The following PTPRG variants were observed in gnomAD, a reference collection of about 807,000 sequenced individuals.
The protein encoded by PTPRG is protein tyrosine phosphatase receptor type G, also known as receptor-type tyrosine-protein phosphatase gamma.
Under a neutral mutation model 165.3 loss-of-function variants are expected in PTPRG, and 102 were observed. The observed-to-expected ratio is 0.62, with a 90% CI of 0.53 to 0.73. PTPRG has a LOEUF of 0.73. PTPRG is among the 30% of genes least tolerant of loss of function. The pLI, the probability that PTPRG is intolerant of heterozygous loss-of-function variation, is 0.00. For missense variants in PTPRG, 1,866 were observed against 1,861.4 expected (o/e 1.00, Z -0.05); for synonymous variants, 675 against 669.5 (o/e 1.01, Z -0.13).
intron 2 of PTPRG, among the ~76,000 whole-genome samples, chr3:61,815,726 T>C (rs1575687098): frequency 6.6e-6 from 1 of 152,208 alleles, no homozygotes; most frequent in Non-Finnish European, 1.5e-5. Flanking sequence ...ACAGTGGCTG[T>C]TTATTAGGTT....
intron 4 of PTPRG, among the ~76,000 whole-genome samples, chr3:62,010,370 T>TTGTGTGTGTGTGTG (rs35894531): frequency 0.024 from 3,630 of 149,524 alleles, 67 homozygotes; most frequent in African/African-American, 0.049. Context: ...CCCTCTCTTC[T>TTGTGTGTGTGTGTG]TGTGTGTGTG....
chr3:62,205,542 C>G (rs1700206693), intron 12 of PTPRG, among the ~76,000 whole-genome samples: 1 of 151,780 alleles, frequency 6.6e-6, no homozygotes, highest in South Asian at 2.1e-4. Flanking sequence ...GACAGTGTAG[C>G]TCTGAGTGGT....
At chr3:61,659,497 A>G (rs996095334) in intron 1 of PTPRG, 52 of 961,506 alleles carry the variant, frequency 5.4e-5, no homozygotes, top group Non-Finnish European at 6.4e-5. Context: ...AAGAGAAGGT[A>G]GGGGTCTGGA....
In PTPRG at chr3:62,071,913, TA is replaced by T. The variant is rs535731276; in HGVS notation, c.520-6247del. Among the ~76,000 whole-genome samples the T allele has an allele frequency of 2.2e-3, 331 of 152,304 alleles. 1 individual carries two copies. Among genetic ancestry groups the T allele is most frequent in the African/African-American group, 7.7e-3 (322 of 41,556 alleles). On this transcript the variant is annotated intron_variant, in intron 4 of 29. Transcript: ENST00000474889. Reference sequence around the variant, plus strand: ...TACCTAGCATACAGTAGGTACTTACTAAAGGTTTGAAAAACATTAACAATGT... The same window carrying T: ...TACCTAGCATACAGTAGGTACTTACTAAGGTTTGAAAAACATTAACAATGT...
chr3:62,003,974 T>C (rs1314246801), intron 4 of PTPRG, among the ~76,000 whole-genome samples: 1 of 152,170 alleles, frequency 6.6e-6, no homozygotes, highest in East Asian at 1.9e-4. Flanking sequence ...TGAGTCACTG[T>C]TAATTTTGTT....
At chr3:61,716,604 G>A (rs192244723) in intron 1 of PTPRG, among the ~76,000 whole-genome samples, 1 of 152,240 alleles carries the variant, frequency 6.6e-6, no homozygotes, top group African/African-American at 2.4e-5. Context: ...GAAGTGTCCT[G>A]AAGTCACAGC....
intron 13 of PTPRG, among the ~76,000 whole-genome samples, chr3:62,225,025 C>A (rs1418150854): frequency 6.6e-6 from 1 of 152,128 alleles, no homozygotes; most frequent in Non-Finnish European, 1.5e-5. Context: ...TTTAATGGCA[C>A]CCTATTGTGT....
At chr3:61,701,274 A>G (rs1293555406) in intron 1 of PTPRG, among the ~76,000 whole-genome samples, 1 of 152,082 alleles carries the variant, frequency 6.6e-6, no homozygotes, top group Admixed American at 6.5e-5. Context: ...TAGCTGTGTG[A>G]TACTTCTCAC....
intron 9 of PTPRG, among the ~76,000 whole-genome samples, chr3:62,192,393 C>CTTTT (rs71123255): frequency 0.011 from 562 of 52,678 alleles, 64 homozygotes; most frequent in South Asian, 0.026. Flanking sequence ...CAACTACTGT[C>CTTTT]TTTTTTTTTT....
intron 1 of PTPRG, among the ~76,000 whole-genome samples, chr3:61,563,404 C>T (rs1055011525): frequency 6.6e-6 from 1 of 152,110 alleles, no homozygotes; most frequent in South Asian, 2.1e-4. Context: ...GTTCCCCCTC[C>T]TCTCTCCCCT....
At position 62,074,558 on chromosome 3, in the gene PTPRG, CTCA is replaced by C. The variant is rs1380818556; in HGVS notation, c.520-3604_520-3602del. 5.3e-5 allele frequency among the ~76,000 whole-genome samples: 8 copies of C among 151,988 alleles called. No individual in the cohort carries two copies. In the South Asian group the frequency reaches 1.5e-3, roughly 28 times the overall value. ...GTCTCACTGTGTTGCCCAGGCTGGC[CTCA>C]AACTCCTGTTCTCAACCAGTCCTCC... is the stretch of plus-strand genomic sequence containing the variant. On this transcript the variant is annotated intron_variant, in intron 4 of 29. Transcript: ENST00000474889.
chr3:62,040,911 G>A (rs1270427685), intron 4 of PTPRG, among the ~76,000 whole-genome samples: 2 of 152,160 alleles, frequency 1.3e-5, no homozygotes, highest in African/African-American at 4.8e-5. Flanking sequence ...TTGGGTGACT[G>A]ACTTAGGCTA....
Position 62,190,268 on chromosome 3 carries a change from A to G in PTPRG, c.1034-1201A>G, listed in dbSNP as rs13327734. On this transcript the variant is annotated intron_variant, in intron 8 of 29. Coordinates refer to ENST00000474889, the MANE Select transcript of PTPRG (RefSeq NM_002841.4). The surrounding 1 kb of genome is among the most constrained non-coding windows in gnomAD (Gnocchi z 5.2). ...GCAGATGGAGGCCAGGGATGCTGCT[A>G]TACAGTACACAGGACAGTCCCCAAG... Among the ~76,000 whole-genome samples the G allele has an allele frequency of 6.1e-3, 931 of 152,278 alleles. 11 individuals carry two copies. The highest frequency in any genetic ancestry group is 0.021 in the African/African-American group (887 of 41,552).
intron 1 of PTPRG, among the ~76,000 whole-genome samples, chr3:61,616,357 A>G (rs1701296283): frequency 6.6e-6 from 1 of 152,216 alleles, no homozygotes; most frequent in South Asian, 2.1e-4. Flanking sequence ...GTCCATGTCC[A>G]TATACACACA....
At chr3:62,105,026 C>T (rs1221283302) in intron 5 of PTPRG, among the ~76,000 whole-genome samples, 1 of 151,910 alleles carries the variant, frequency 6.6e-6, no homozygotes, top group Non-Finnish European at 1.5e-5. Context: ...ATAAAGAAAT[C>T]ATCATTACTT....
At chr3:61,808,931 T>A (rs913793006) in intron 2 of PTPRG, among the ~76,000 whole-genome samples, 1 of 150,720 alleles carries the variant, frequency 6.6e-6, no homozygotes, top group Admixed American at 6.7e-5. Context: ...TTAAAATTTT[T>A]AAAAAATTAT....
rs1302739476 is a variant in PTPRG, at chr3:62,222,417, A to G, written c.2288+3434A>G. 6.6e-6 allele frequency among the ~76,000 whole-genome samples: 1 copy of G among 152,266 alleles called. No individual in the cohort carries two copies. The highest frequency in any genetic ancestry group is 1.9e-4 in the East Asian group (1 of 5,170). On this transcript the variant is annotated intron_variant, in intron 13 of 29. Coordinates refer to ENST00000474889, the MANE Select transcript of PTPRG (RefSeq NM_002841.4). This position sits in a 1 kb window ranked among gnomAD's most constrained non-coding sequence, Gnocchi z 4.5. ...CAGCCTCTGGCCATGTTAGACTTAC[A>G]TGTCTCCACCCCAGTGCAAAGGGAA...
At chr3:62,062,386 T>C (rs1422582112) in intron 4 of PTPRG, among the ~76,000 whole-genome samples, 1 of 152,142 alleles carries the variant, frequency 6.6e-6, no homozygotes, top group African/African-American at 2.4e-5. Context: ...AAGGGAGGTA[T>C]CTAGGTGGGT....
At chr3:62,097,555 C>G (rs532669355) in intron 5 of PTPRG, among the ~76,000 whole-genome samples, 1 of 152,132 alleles carries the variant, frequency 6.6e-6, no homozygotes, top group Non-Finnish European at 1.5e-5. Flanking sequence ...CACCCTTCCC[C>G]AAGTTAGAAA....
Sources: allele counts gnomAD v4.1 joint callset (sites outside exome capture counted in the v4.1 genomes callset), GRCh38; gene constraint gnomAD v4.1.1; non-coding constraint Gnocchi (gnomAD v3.1); transcripts MANE v1.5; gene names NCBI Gene and HGNC (gene_info 2026-07-23, HGNC 2026-07-21).